Variants in ZBED3 observed in about 807,000 individuals in gnomAD.
ZBED3 encodes zinc finger BED domain-containing protein 3.
For missense variants in ZBED3, 388 were observed against 362.9 expected (o/e 1.07, Z -0.56); for synonymous variants, 175 against 180.0 (o/e 0.97, Z 0.22).
intron 1 of ZBED3, chr5:77,080,452 G>C: frequency 2.0e-6 from 1 of 502,228 alleles, no homozygotes. Flanking sequence ...GGCCAGCACA[G>C]CGCTGCCCCT....
Position 77,072,680 on chromosome 5 carries a change from T to TTTGA in ZBED3, c.*4490_*4493dup, listed in dbSNP as rs1226725188. The TTTGA allele has an allele frequency of 2.6e-5, 4 of 152,284 alleles. No homozygotes were observed. Among genetic ancestry groups the TTTGA allele is most frequent in the African/African-American group, 7.2e-5 (3 of 41,558 alleles). The allele number at this position is 152,284 out of a possible 1,614,324, so 9.4% of individuals were successfully genotyped here. ...ACTGGAGCAGGTCATTTGGCAACTA[T>TTTGA]TTGATAGAAAAATATTTAATAGTAT... On this transcript the variant is annotated 3_prime_UTR_variant, in exon 3 of 3. Coordinates refer to ENST00000255198, the MANE Select transcript of ZBED3 (RefSeq NM_032367.4).
Position 77,077,788 on chromosome 5 carries a change from G to A in ZBED3, c.91C>T (p.Pro31Ser), listed in dbSNP as rs1743054503. The A allele has an allele frequency of 3.8e-6, 5 of 1,316,018 alleles. No individual in the cohort carries two copies. Among genetic ancestry groups the A allele is most frequent in the Non-Finnish European group, 1.9e-6 (2 of 1,037,342 alleles). 81.5% of individuals were successfully genotyped at this position (1,316,018 alleles called of 1,614,324 possible). A position where few individuals can be genotyped will look rare whatever the true frequency, so the allele number is the denominator to read the frequency against. The part of the protein sequence containing the change: ...ARGGQCPGLG[P>S]APTPTPPGRL... ...CCGGGAGGCGTCGGCGTCGGCGCCG[G>A]CCCCAGTCCCGGACACTGACCGCCC... The change falls in exon 3 of 3, where the codon CCG (proline) becomes TCG (serine). Residue 31 changes from proline to serine, a missense_variant. Physicochemically the swap from Pro to Ser is moderately conservative, Grantham distance 74. Transcript: ENST00000255198.
chr5:77,078,151 G>A (rs1743064286), intron 2 of ZBED3, among the ~76,000 whole-genome samples: 1 of 152,236 alleles, frequency 6.6e-6, no homozygotes, highest in African/African-American at 2.4e-5. Context: ...CAGTCAACAA[G>A]TATTTATTCT....
At chr5:77,080,580 G>A (rs775537414) in intron 1 of ZBED3, 5 of 519,200 alleles carry the variant, frequency 9.6e-6, no homozygotes, top group Middle Eastern at 3.2e-4. Flanking sequence ...CACATCATGC[G>A]GCTATATTCT....
rs964647610 is a variant in ZBED3, at chr5:77,072,379, C to T, written c.*4795G>A. On this transcript the variant is annotated 3_prime_UTR_variant, in exon 3 of 3. Coordinates refer to ENST00000255198, the MANE Select transcript of ZBED3 (RefSeq NM_032367.4). ...AATGTTAATCTGGTTAATCATCTAC[C>T]ATATTCACCAGACTGAATAATTGGC... The T allele has an allele frequency of 2.0e-5, 3 of 152,156 alleles. No homozygotes were observed. The highest frequency in any genetic ancestry group is 4.4e-5 in the Non-Finnish European group (3 of 68,034). The allele number at this position is 152,156 out of a possible 1,614,324, so 9.4% of individuals were successfully genotyped here.
intron 1 of ZBED3, 156 bp downstream of exon 1, chr5:77,086,955 C>G (rs997501356): frequency 2.6e-5 from 4 of 152,280 alleles, no homozygotes; most frequent in Admixed American, 2.6e-4. Flanking sequence ...TTCTCACAGT[C>G]GCGACAGCCG....
Position 77,077,321 on chromosome 5 carries a change from C to A in ZBED3, c.558G>T (p.Gln186His). The A allele has an allele frequency of 7.7e-7, 1 of 1,293,122 alleles. No homozygotes were observed. Among genetic ancestry groups the A allele is most frequent in the Non-Finnish European group, 9.7e-7 (1 of 1,026,760 alleles). 80.1% of individuals were successfully genotyped at this position (1,293,122 alleles called of 1,614,324 possible). ...GCGCCTGCAGCGCCTCCCGCTCGGC[C>A]TGCAGTTCCCGGCGCGCCTGGGCCG... Reference protein sequence around the residue: ...RAAAQARRELQAEREALQARL... With the variant: ...RAAAQARRELHAEREALQARL... The change falls in exon 3 of 3, where the codon CAG becomes CAT. Residue 186 changes from glutamine (Q) to histidine (H), a missense_variant. Gln to His is a conservative substitution (Grantham distance 24). Transcript: ENST00000255198.
In ZBED3 at chr5:77,077,600, C is replaced by T; in HGVS notation, c.279G>A (p.Leu93=). 1 of 1,397,116 alleles carries T rather than the reference C, an allele frequency of 7.2e-7. No homozygotes were observed. The highest frequency in any genetic ancestry group is 9.3e-7 in the Non-Finnish European group (1 of 1,074,314). 86.5% of individuals were successfully genotyped at this position (1,397,116 alleles called of 1,614,324 possible). Residue 93 remains leucine (L), a synonymous_variant, in exon 3 of 3, where the codon CTG becomes CTA. Coordinates refer to ENST00000255198, the MANE Select transcript of ZBED3 (RefSeq NM_032367.4). ...HAGTSALWRH[L]RSAHRRELES... is the part of the protein sequence containing the mutation. ...CCAGCTCCCGCCGGTGCGCGCTCCTCAGGTGCCTCCACAACGCCGAGGTCC... is the reference window on the plus strand; with the variant it reads ...CCAGCTCCCGCCGGTGCGCGCTCCTTAGGTGCCTCCACAACGCCGAGGTCC...
Position 77,072,118 on chromosome 5 carries a change from G to C in ZBED3, c.*5056C>G, listed in dbSNP as rs1742898901. ...TTTAATACTGTGAAACCAGATTTCA[G>C]AGAATGTCATAATTAAGATTTTTAT... On this transcript the variant is annotated 3_prime_UTR_variant, in exon 3 of 3. Transcript: ENST00000255198. 1 of 152,076 alleles carries C rather than the reference G, an allele frequency of 6.6e-6. No homozygotes were observed. Among genetic ancestry groups the C allele is most frequent in the Non-Finnish European group, 1.5e-5 (1 of 68,024 alleles). 9.4% of individuals were successfully genotyped at this position (152,076 alleles called of 1,614,324 possible).
Position 77,076,026 on chromosome 5 carries a change from T to C in ZBED3, c.*1148A>G, listed in dbSNP as rs1298041064. 4 of 61,792 alleles carry C rather than the reference T, an allele frequency of 6.5e-5. No homozygotes were observed. Among genetic ancestry groups the C allele is most frequent in the African/African-American group, 2.4e-4 (4 of 16,520 alleles). 3.8% of individuals were successfully genotyped at this position (61,792 alleles called of 1,614,324 possible). A position where few individuals can be genotyped will look rare whatever the true frequency, so the allele number is the denominator to read the frequency against. ...GTATATATATATGTATATATGTATA[T>C]ATATATGTATATATGTATATATATA... On this transcript the variant is annotated 3_prime_UTR_variant, in exon 3 of 3. Transcript: ENST00000255198.
rs1743047809 is a variant in ZBED3 at position 77,077,607 on chromosome 5, C to T, written c.272G>A (p.Arg91Lys). The change falls in exon 3 of 3, where the codon AGG becomes AAG. Residue 91 changes from arginine to lysine, a missense_variant. Coordinates refer to ENST00000255198, the MANE Select transcript of ZBED3 (RefSeq NM_032367.4). ...CCGCCGGTGCGCGCTCCTCAGGTGC[C>T]TCCACAACGCCGAGGTCCCCGCGTG... ...GFHAGTSALW[R>K]HLRSAHRREL... 1 of 1,403,162 alleles carries T rather than the reference C, an allele frequency of 7.1e-7. No homozygotes were observed. Among genetic ancestry groups the T allele is most frequent in the East Asian group, 3.1e-5 (1 of 31,882 alleles). The allele number at this position is 1,403,162 out of a possible 1,614,324, so 86.9% of individuals were successfully genotyped here. A position where few individuals can be genotyped will look rare whatever the true frequency, so the allele number is the denominator to read the frequency against.
rs533179519 is a variant in ZBED3, at chr5:77,078,027, CTAAGTTTCT to C, written c.-17-141_-17-133del. 9.6e-4 allele frequency: 592 copies of C among 616,630 alleles called. 6 individuals carry two copies. The South Asian group carries it at 0.015, about 15-fold the overall frequency. The allele number at this position is 616,630 out of a possible 1,614,324, so 38.2% of individuals were successfully genotyped here. A position where few individuals can be genotyped will look rare whatever the true frequency, so the allele number is the denominator to read the frequency against. ...AAAGCCTATAGTGTGTGTAGATAGTCTAAGTTTCTTTCTAATTAATCTTCAGTATTAAGT... is the reference window on the plus strand; with the variant it reads ...AAAGCCTATAGTGTGTGTAGATAGTCTTCTAATTAATCTTCAGTATTAAGT... On this transcript the variant is annotated intron_variant, in intron 2 of 2. Transcript: ENST00000255198.
Position 77,075,782 on chromosome 5 carries a change from G to A in ZBED3, c.*1392C>T, listed in dbSNP as rs1384618460. ...AAGGAATTCTTTGAAGGAAAAACAG[G>A]ATCCACCTACCAAGAGAGCAATTTC... is the stretch of plus-strand genomic sequence containing the variant. On this transcript the variant is annotated 3_prime_UTR_variant, in exon 3 of 3. Coordinates refer to ENST00000255198, the MANE Select transcript of ZBED3 (RefSeq NM_032367.4). The A allele has an allele frequency of 6.6e-6, 1 of 150,972 alleles. No homozygotes were observed. Among genetic ancestry groups the A allele is most frequent in the Admixed American group, 6.6e-5 (1 of 15,140 alleles). The allele number at this position is 150,972 out of a possible 1,614,324, so 9.4% of individuals were successfully genotyped here.
chr5:77,077,495 G>A lies in ZBED3; in HGVS notation c.384C>T (p.Asp128=). The part of the protein sequence containing the change: ...PPGPAAAPEG[D]WARLLEQMGA... ...CCATCTGTTCCAGCAGGCGCGCCCA[G>A]TCGCCCTCGGGGGCCGCAGCGGGGC... Residue 128 remains aspartate (D), a synonymous_variant, in exon 3 of 3, where the codon GAC becomes GAT. Transcript: ENST00000255198. The A allele has an allele frequency of 8.4e-7, 1 of 1,190,674 alleles. No homozygotes were observed. Among genetic ancestry groups the A allele is most frequent in the Non-Finnish European group, 1.0e-6 (1 of 964,542 alleles). The allele number at this position is 1,190,674 out of a possible 1,614,324, so 73.8% of individuals were successfully genotyped here.
rs916494010 is a variant in ZBED3 at position 77,073,274 on chromosome 5, C to T, written c.*3900G>A. On this transcript the variant is annotated 3_prime_UTR_variant, in exon 3 of 3. Transcript: ENST00000255198. ...GAGGGAGTAGTTAAGATTCTAAATCCTTTCCTATGTTTTAATGGTTCTTAC... is the reference window on the plus strand; with the variant it reads ...GAGGGAGTAGTTAAGATTCTAAATCTTTTCCTATGTTTTAATGGTTCTTAC... 2 of 152,092 alleles carry T rather than the reference C, an allele frequency of 1.3e-5. No homozygotes were observed. The highest frequency in any genetic ancestry group is 3.8e-4 in the East Asian group (2 of 5,198). 9.4% of individuals were successfully genotyped at this position (152,092 alleles called of 1,614,324 possible). A position where few individuals can be genotyped will look rare whatever the true frequency, so the allele number is the denominator to read the frequency against.
rs1743060512 is a variant in ZBED3 at position 77,077,973 on chromosome 5, C to T, written c.-17-78G>A. ...CTAGACTACAGTTAGCCTAAGAAAC[C>T]ATGCCGCCCTCCATTTTCTTACCGA... On this transcript the variant is annotated intron_variant, in intron 2 of 2. Coordinates refer to ENST00000255198, the MANE Select transcript of ZBED3 (RefSeq NM_032367.4). 5 of 1,043,076 alleles carry T rather than the reference C, an allele frequency of 4.8e-6. No individual in the cohort carries two copies. The South Asian group carries it at 2.0e-4, about 42-fold the overall frequency. 64.6% of individuals were successfully genotyped at this position (1,043,076 alleles called of 1,614,324 possible).
At position 77,077,548 on chromosome 5, in the gene ZBED3, G is replaced by C; in HGVS notation, c.331C>G (p.Pro111Ala). ...GGCGGCGGCGGGCAGGGCGCGGCAG[G>C]TGGGGAGCTCCCGGCGCCGCTGCTC... The part of the protein sequence containing the change: ...LESSGAGSSP[P>A]AAPCPPPPGP... The change falls in exon 3 of 3, where the codon CCT (proline) becomes GCT (alanine). Residue 111 changes from proline (P) to alanine (A), a missense_variant. Transcript: ENST00000255198. 1 of 1,243,710 alleles carries C rather than the reference G, an allele frequency of 8.0e-7. No individual in the cohort carries two copies. Among genetic ancestry groups the C allele is most frequent in the Non-Finnish European group, 1.0e-6 (1 of 996,576 alleles). The allele number at this position is 1,243,710 out of a possible 1,614,324, so 77.0% of individuals were successfully genotyped here.
chr5:77,085,814 G>C (rs1474921067), intron 1 of ZBED3, among the ~76,000 whole-genome samples: 1 of 152,204 alleles, frequency 6.6e-6, no homozygotes, highest in Non-Finnish European at 1.5e-5. Context: ...CAGGCTGAAG[G>C]CTTAGCTGAA....
chr5:77,077,600 C>A lies in ZBED3; in HGVS notation c.279G>T (p.Leu93=). The change falls in exon 3 of 3, where the codon CTG becomes CTT. Residue 93 remains leucine, a synonymous_variant. Coordinates refer to ENST00000255198, the MANE Select transcript of ZBED3 (RefSeq NM_032367.4). ...HAGTSALWRH[L]RSAHRRELES... ...CCAGCTCCCGCCGGTGCGCGCTCCT[C>A]AGGTGCCTCCACAACGCCGAGGTCC... The A allele has an allele frequency of 7.2e-7, 1 of 1,397,116 alleles. No homozygotes were observed. The allele number at this position is 1,397,116 out of a possible 1,614,324, so 86.5% of individuals were successfully genotyped here.
Sources: gnomAD v4.1 joint callset for allele counts (sites outside exome capture counted in the v4.1 genomes callset) on GRCh38, gnomAD v4.1.1 for gene constraint, MANE v1.5 for transcripts, NCBI Gene and HGNC (gene_info 2026-07-23, HGNC 2026-07-21) for gene names.